The following GFRAL variants were observed in gnomAD, a reference collection of about 807,000 sequenced individuals.
The protein encoded by GFRAL is GDNF family receptor alpha like.
In GFRAL, 36 loss-of-function variants were observed where a neutral mutation model predicts 45.4. The observed-to-expected ratio is 0.79, with a 90% CI of 0.61 to 1.05. The LOEUF is 1.05. Ranked by LOEUF, GFRAL falls within the 50% of genes least tolerant of loss-of-function variation. GFRAL has a pLI of 0.00. For missense variants in GFRAL, 507 were observed against 467.5 expected, an observed-to-expected ratio of 1.08 and a Z score of -0.78; for synonymous variants, 166 against 154.1, an observed-to-expected ratio of 1.08 and a Z score of -0.57.
At chr6:55,379,620 G>A (rs1216160845) in intron 6 of GFRAL, among the ~76,000 whole-genome samples, 3 of 151,262 alleles carry the variant, frequency 2.0e-5, no homozygotes, top group Non-Finnish European at 3.0e-5. Context: ...GTTAAATCTA[G>A]CTAATTTACA....
chr6:55,381,363 T>C (rs1768605238), intron 6 of GFRAL, among the ~76,000 whole-genome samples: 1 of 151,944 alleles, frequency 6.6e-6, no homozygotes, highest in Non-Finnish European at 1.5e-5. Flanking sequence ...CTCACCCATC[T>C]GTCTATCGAT....
intron 6 of GFRAL, among the ~76,000 whole-genome samples, chr6:55,396,947 A>G (rs1768833478): frequency 6.8e-6 from 1 of 146,096 alleles, no homozygotes; most frequent in African/African-American, 2.6e-5. Flanking sequence ...TGGCTTGATC[A>G]CAGCTACGTC....
intron 6 of GFRAL, among the ~76,000 whole-genome samples, chr6:55,397,952 G>T (rs1768848401): frequency 6.6e-6 from 1 of 152,046 alleles, no homozygotes; most frequent in South Asian, 2.1e-4. Context: ...TTGCATTAAA[G>T]TTGCCTAAAG....
intron 6 of GFRAL, among the ~76,000 whole-genome samples, chr6:55,369,213 C>CGTCCG (rs1442075608): frequency 6.6e-6 from 1 of 152,030 alleles, no homozygotes; most frequent in Non-Finnish European, 1.5e-5. Flanking sequence ...TTCCAGGTGC[C>CGTCCG]GTCCGTCACC....
At chr6:55,400,619 G>T (rs901518301) in intron 8 of GFRAL, among the ~76,000 whole-genome samples, 1 of 151,562 alleles carries the variant, frequency 6.6e-6, no homozygotes, top group African/African-American at 2.4e-5. Flanking sequence ...CATTTAATTT[G>T]TTGTTAACTA....
rs149415276 is a variant in GFRAL at position 55,398,090 on chromosome 6, A to C, written c.953-1090A>C. On this transcript the variant is annotated intron_variant, in intron 6 of 8. Transcript: ENST00000340465. The stretch of plus-strand genomic sequence containing the variant: ...AAGTACACTCTATGATGTTCACACA[A>C]GCACAAAATCGACTAAGCATGCATT... 5.2e-4 allele frequency among the ~76,000 whole-genome samples: 79 copies of C among 152,304 alleles called. 1 individual carries two copies. The highest frequency in any genetic ancestry group is 9.8e-4 in the Non-Finnish European group (67 of 68,022).
rs1259414727 is a variant in GFRAL at position 55,401,934 on chromosome 6, C to A, written c.*81C>A. Reference sequence around the variant, plus strand: ...CCTCTTTTCTTCTCTCCTCTCCTCTCCTCTCTTCTCCTCTCCTCCCCTCCC... The same window carrying A: ...CCTCTTTTCTTCTCTCCTCTCCTCTACTCTCTTCTCCTCTCCTCCCCTCCC... On this transcript the variant is annotated 3_prime_UTR_variant, in exon 9 of 9. Coordinates refer to ENST00000340465, the MANE Select transcript of GFRAL (RefSeq NM_207410.2). 3 of 736,454 alleles carry A rather than the reference C, an allele frequency of 4.1e-6. No homozygotes were observed. The highest frequency in any genetic ancestry group is 2.4e-5 in the Admixed American group (1 of 41,332). 45.6% of individuals were successfully genotyped at this position (736,454 alleles called of 1,614,324 possible). A position where few individuals can be genotyped will look rare whatever the true frequency, so the allele number is the denominator to read the frequency against.
Position 55,329,133 on chromosome 6 carries a change from T to G in GFRAL, c.22+1557T>G, listed in dbSNP as rs373365234. ...TAAATACAAAACCACAAGTCATAGT[T>G]TGGAATGAATAAGACAGATTTTGGA... On this transcript the variant is annotated intron_variant, in intron 1 of 8. Coordinates refer to ENST00000340465, the MANE Select transcript of GFRAL (RefSeq NM_207410.2). 2.8e-4 allele frequency among the ~76,000 whole-genome samples: 42 copies of G among 152,154 alleles called. 1 individual carries two copies. In the South Asian group the frequency reaches 4.4e-3, roughly 16 times the overall value.
intron 6 of GFRAL, among the ~76,000 whole-genome samples, chr6:55,388,217 T>C (rs1768704169): frequency 6.6e-6 from 1 of 151,350 alleles, no homozygotes; most frequent in Non-Finnish European, 1.5e-5. Context: ...TGTAGACACA[T>C]GCTAGTGTCT....
chr6:55,397,206 T>C (rs369739526), intron 6 of GFRAL, among the ~76,000 whole-genome samples: 3 of 152,074 alleles, frequency 2.0e-5, no homozygotes, highest in East Asian at 1.9e-4. Context: ...AATATGCAAA[T>C]TGGAGACTAA....
At chr6:55,395,781 G>GA (rs34724941) in intron 6 of GFRAL, among the ~76,000 whole-genome samples, 48,347 of 137,242 alleles carry the variant, frequency 0.35, 8,244 homozygotes, top group Admixed American at 0.47. Context: ...AAGGATTTTG[G>GA]AAAAAAAAAA....
At chr6:55,378,014 A>T (rs1768557201) in intron 6 of GFRAL, among the ~76,000 whole-genome samples, 1 of 151,960 alleles carries the variant, frequency 6.6e-6, no homozygotes, top group African/African-American at 2.4e-5. Context: ...TTCATAGGAG[A>T]AGAAAGGGGA....
At chr6:55,328,948 A>C (rs1767798085) in intron 1 of GFRAL, among the ~76,000 whole-genome samples, 1 of 152,102 alleles carries the variant, frequency 6.6e-6, no homozygotes, top group African/African-American at 2.4e-5. Context: ...GAAATGTGGA[A>C]AACAATGAAT....
intron 6 of GFRAL, among the ~76,000 whole-genome samples, chr6:55,362,937 G>A (rs909874465): frequency 6.6e-6 from 1 of 150,760 alleles, no homozygotes; most frequent in African/African-American, 2.4e-5. Context: ...GAAGAAGTAG[G>A]AGGAGAGAAA....
intron 6 of GFRAL, among the ~76,000 whole-genome samples, chr6:55,396,585 G>C (rs933927272): frequency 6.6e-6 from 1 of 151,620 alleles, no homozygotes; most frequent in African/African-American, 2.4e-5. Context: ...AACTTAAAAA[G>C]AAGTAAAACT....
In GFRAL at chr6:55,368,642, G is replaced by A. The variant is rs555898963; in HGVS notation, c.952+9504G>A. On this transcript the variant is annotated intron_variant, in intron 6 of 8. Coordinates refer to ENST00000340465, the MANE Select transcript of GFRAL (RefSeq NM_207410.2). ...TTTGGTGTGGATGTCCTTTCTGTTT[G>A]TTAGTTTTCCTTCTAACAGAGAGGA... Among the ~76,000 whole-genome samples, 627 of 152,216 alleles carry A rather than the reference G, an allele frequency of 4.1e-3. 4 individuals carry two copies. Among genetic ancestry groups the A allele is most frequent in the African/African-American group, 0.014 (588 of 41,532 alleles).
intron 6 of GFRAL, among the ~76,000 whole-genome samples, chr6:55,366,615 T>A (rs868131616): frequency 2.4e-5 from 3 of 127,122 alleles, no homozygotes; most frequent in Admixed American, 1.5e-4. Context: ...GCTTTGAATG[T>A]GTCCCAGAGA....
intron 1 of GFRAL, among the ~76,000 whole-genome samples, chr6:55,330,889 G>A (rs888270119): frequency 1.2e-4 from 19 of 152,136 alleles, no homozygotes; most frequent in African/African-American, 4.6e-4. Flanking sequence ...TAGCAAGAAT[G>A]AATATGGGAG....
intron 6 of GFRAL, among the ~76,000 whole-genome samples, chr6:55,366,509 T>A (rs965077046): frequency 1.4e-5 from 2 of 145,428 alleles, no homozygotes; most frequent in Non-Finnish European, 3.0e-5. Flanking sequence ...CTCTTGCTTT[T>A]CTAGTTCTTT....
Sources: allele counts gnomAD v4.1 joint callset (sites outside exome capture counted in the v4.1 genomes callset), GRCh38; gene constraint gnomAD v4.1.1; transcripts MANE v1.5; gene names NCBI Gene and HGNC (gene_info 2026-07-23, HGNC 2026-07-21).